Variants in KDM6A observed in about 807,000 individuals in gnomAD.
The protein encoded by KDM6A is lysine demethylase 6A, also known as lysine-specific demethylase 6A.
In KDM6A, 11 loss-of-function variants were observed where a neutral mutation model predicts 117.6. The observed-to-expected ratio is 0.09, with a 90% CI of 0.06 to 0.15. KDM6A has a LOEUF of 0.15. Among genes scored for constraint, KDM6A ranks in the 10% least tolerant of loss-of-function variants. The pLI is 1.00. For synonymous variants in KDM6A, 384 were observed against 396.1 expected (o/e 0.97, Z 0.36); for missense variants, 799 against 1,077.3 (o/e 0.74, Z 3.62).
intron 27 of KDM6A, among the ~76,000 whole-genome samples, chrX:45,094,580 G>C (rs997855977): frequency 8.9e-6 from 1 of 111,807 alleles, no homozygotes; most frequent in Non-Finnish European, 1.9e-5. Context: ...AAAATAGTTG[G>C]CTTGTGTAGA....
At chrX:44,958,890 C>A (rs1347816270) in intron 2 of KDM6A, among the ~76,000 whole-genome samples, 2 of 110,407 alleles carry the variant, frequency 1.8e-5, no homozygotes, top group Non-Finnish European at 3.8e-5. Flanking sequence ...TTATCATTAG[C>A]CTTTTGAGTA....
At chrX:44,958,604 CTTTT>C (rs34006049) in intron 2 of KDM6A, among the ~76,000 whole-genome samples, 20 of 56,453 alleles carry the variant, frequency 3.5e-4, no homozygotes, top group African/African-American at 1.5e-3. Context: ...CTATATAGAC[CTTTT>C]TTTTTTTTTT....
chrX:44,906,697 CGA>C (rs768809117), intron 2 of KDM6A, among the ~76,000 whole-genome samples: 4 of 107,707 alleles, frequency 3.7e-5, no homozygotes, highest in Non-Finnish European at 3.9e-5. Context: ...AGAGAGAGAG[CGA>C]GAGAGAGAGA....
chrX:45,070,440 A>G, intron 18 of KDM6A, 83 bp downstream of exon 18: 1 of 882,901 alleles, frequency 1.1e-6, no homozygotes. Flanking sequence ...CGTTTAAGAT[A>G]TGGGAAGTAA....
chrX:44,917,795 A>G (rs1207398270), intron 2 of KDM6A, among the ~76,000 whole-genome samples: 1 of 112,311 alleles, frequency 8.9e-6, no homozygotes, highest in Non-Finnish European at 1.9e-5. Flanking sequence ...GTTAAGTTTT[A>G]TTTTTAATCT....
At chrX:45,019,489 TGAAAG>T (rs745835524) in intron 5 of KDM6A, among the ~76,000 whole-genome samples, 7 of 112,184 alleles carry the variant, frequency 6.2e-5, no homozygotes, top group Non-Finnish European at 1.3e-4. Flanking sequence ...TATGAATTGA[TGAAAG>T]TAAAGTTACT....
chrX:44,899,569 T>C (rs747102396), intron 2 of KDM6A, among the ~76,000 whole-genome samples: 107 of 109,859 alleles, frequency 9.7e-4, no homozygotes, highest in African/African-American at 3.4e-3. Context: ...TTGGTGATAC[T>C]GTATTGGGGT....
chrX:45,042,113 G>A (rs894173973), intron 8 of KDM6A, among the ~76,000 whole-genome samples: 2 of 109,458 alleles, frequency 1.8e-5, no homozygotes, highest in Non-Finnish European at 3.8e-5. Context: ...CCAGTCAGGC[G>A]TGGCGGCATG....
chrX:44,935,543 A>G (rs367622036), intron 2 of KDM6A, among the ~76,000 whole-genome samples: 4 of 111,372 alleles, frequency 3.6e-5, no homozygotes, highest in African/African-American at 1.3e-4. Flanking sequence ...TAATTCTTAC[A>G]ATAATCCTTT....
chrX:45,043,448 A>G (rs183032549), intron 8 of KDM6A, among the ~76,000 whole-genome samples: 1 of 111,582 alleles, frequency 9.0e-6, no homozygotes, highest in East Asian at 2.8e-4. Flanking sequence ...GATCTTATAG[A>G]CAAAGCTGTT....
chrX:45,008,658 AT>A (rs949229845), intron 4 of KDM6A, among the ~76,000 whole-genome samples: 5 of 111,326 alleles, frequency 4.5e-5, no homozygotes, highest in African/African-American at 1.6e-4. Context: ...GGGGAAGTAT[AT>A]TTTATTCAGA....
At chrX:44,963,732 G>A (rs1325690696) in intron 3 of KDM6A, among the ~76,000 whole-genome samples, 2 of 109,795 alleles carry the variant, frequency 1.8e-5, no homozygotes, top group African/African-American at 6.6e-5. Flanking sequence ...TGCTAATGTC[G>A]GTATTTAGAC....
chrX:45,031,693 G>A (rs1190012977), intron 6 of KDM6A, among the ~76,000 whole-genome samples: 1 of 111,467 alleles, frequency 9.0e-6, no homozygotes, highest in Non-Finnish European at 1.9e-5. Flanking sequence ...TCGGGATTGG[G>A]AATATAGTTG....
At chrX:45,003,369 T>C (rs776583538) in intron 4 of KDM6A, among the ~76,000 whole-genome samples, 48 of 107,932 alleles carry the variant, frequency 4.4e-4, no homozygotes, top group African/African-American at 1.6e-3. Context: ...AGGGAATTTT[T>C]AGTGGTTAAT....
chrX:45,020,748 T>C lies in KDM6A; in HGVS notation c.564+18T>C, dbSNP rs367715704. On this transcript the variant is annotated intron_variant, in intron 6 of 29. Coordinates refer to ENST00000611820, the MANE Select transcript of KDM6A (RefSeq NM_001291415.2). Reference sequence around the variant, plus strand: ...GTTTAAAGGTAGGTTGTTGGGTTTTTTCAAGATACAATGTTTAATTTTGTG... The same window carrying C: ...GTTTAAAGGTAGGTTGTTGGGTTTTCTCAAGATACAATGTTTAATTTTGTG... The C allele has an allele frequency of 1.7e-6, 2 of 1,204,349 alleles. No individual in the cohort carries two copies. The highest frequency in any genetic ancestry group is 3.5e-5 in the African/African-American group (2 of 57,134).
At chrX:45,042,617 A>G (rs950676475) in intron 8 of KDM6A, among the ~76,000 whole-genome samples, 6 of 111,435 alleles carry the variant, frequency 5.4e-5, no homozygotes, top group Non-Finnish European at 9.4e-5. Context: ...TAGGTAAACA[A>G]TAGTTCAAGG....
intron 2 of KDM6A, among the ~76,000 whole-genome samples, chrX:44,935,803 A>T (rs1021408155): frequency 4.5e-5 from 5 of 111,766 alleles, no homozygotes; most frequent in Non-Finnish European, 9.4e-5. Flanking sequence ...GACAAGTAAG[A>T]CCTGATCAGG....
In KDM6A at chrX:44,891,366, C is replaced by G. The variant is rs536553663; in HGVS notation, c.225+17379C>G. On this transcript the variant is annotated intron_variant, in intron 2 of 29. Transcript: ENST00000611820. ...TGCTGTAGATGTTCAACTGCTCCAC[C>G]ATTATTTGTTGAAAAGGTCATTTTT... Among the ~76,000 whole-genome samples the G allele has an allele frequency of 6.1e-4, 68 of 111,288 alleles. 1 individual carries two copies. The South Asian group carries it at 0.024, about 39-fold the overall frequency.
intron 10 of KDM6A, among the ~76,000 whole-genome samples, chrX:45,056,581 C>T (rs965174359): frequency 8.0e-5 from 9 of 111,905 alleles, no homozygotes; most frequent in Admixed American, 5.7e-4. Context: ...CCTTGTAAAT[C>T]CTGTCACTTC....
Sources: allele counts gnomAD v4.1 joint callset (sites outside exome capture counted in the v4.1 genomes callset), GRCh38; gene constraint gnomAD v4.1.1; transcripts MANE v1.5; gene names NCBI Gene and HGNC (gene_info 2026-07-23, HGNC 2026-07-21).